Variants in CELF2 observed in about 807,000 individuals in gnomAD.
The protein encoded by CELF2 is CUG triplet repeat RNA-binding protein 2.
CELF2 carries 8 observed loss-of-function variants against 62.6 expected under a neutral mutation model. The ratio of observed to expected loss-of-function variants is 0.13; its 90% CI spans 0.07 to 0.23. The LOEUF is 0.23. CELF2 is among the 10% of genes least tolerant of loss of function. CELF2 has a pLI of 1.00. For synonymous variants in CELF2, 258 were observed against 250.0 expected, an observed-to-expected ratio of 1.03 and a Z score of -0.30; for missense variants, 333 against 671.0, an observed-to-expected ratio of 0.50 and a Z score of 5.56.
the CELF2 span, among the ~76,000 whole-genome samples, chr10:10,678,721 A>G: frequency 6.6e-6 from 1 of 152,244 alleles, no homozygotes; most frequent in Non-Finnish European, 1.5e-5. Context: ...AGCACACAGC[A>G]TTCCCAGAAC....
chr10:11,146,709 G>C (rs984349582), intron 1 of CELF2, among the ~76,000 whole-genome samples: 1 of 152,156 alleles, frequency 6.6e-6, no homozygotes, highest in African/African-American at 2.4e-5. Context: ...TAATCTAAGA[G>C]GACTTTTCAG....
At chr10:10,462,783 A>G in the CELF2 span, among the ~76,000 whole-genome samples, 1 of 152,014 alleles carries the variant, frequency 6.6e-6, no homozygotes, top group African/African-American at 2.4e-5. Flanking sequence ...AATGGTTAAT[A>G]ACAGCATTCC....
the CELF2 span, among the ~76,000 whole-genome samples, chr10:10,484,981 T>C: frequency 1.3e-5 from 2 of 152,184 alleles, no homozygotes; most frequent in Non-Finnish European, 2.9e-5. Context: ...TATGAGCAGC[T>C]TGTACTTTAT....
chr10:11,005,003 A>C, upstream of CELF2: 1 of 974,608 alleles, frequency 1.0e-6, no homozygotes, highest in Non-Finnish European at 1.2e-6. This position sits in a 1 kb window ranked among gnomAD's most constrained non-coding sequence, Gnocchi z 4.3. Context: ...AAAAAGGTAA[A>C]TGAGTTCCTT....
chr10:10,919,529 G>A (rs546763686), intron 1 of CELF2, among the ~76,000 whole-genome samples: 11 of 152,224 alleles, frequency 7.2e-5, no homozygotes, highest in African/African-American at 2.6e-4. Flanking sequence ...CATAAGCTTC[G>A]GGTGACAGAG....
chr10:11,043,001 G>A (rs978560454), intron 1 of CELF2, among the ~76,000 whole-genome samples: 7 of 152,314 alleles, frequency 4.6e-5, no homozygotes, highest in African/African-American at 1.7e-4. Flanking sequence ...GTTTTTGTGT[G>A]AAAACTTATT....
At chr10:10,617,335 G>T in the CELF2 span, among the ~76,000 whole-genome samples, 1 of 152,100 alleles carries the variant, frequency 6.6e-6, no homozygotes, top group Non-Finnish European at 1.5e-5. Context: ...ATACCACATT[G>T]TGAACCCCAT....
intron 1 of CELF2, among the ~76,000 whole-genome samples, chr10:10,832,175 G>A (rs1429876559): frequency 6.9e-6 from 1 of 144,690 alleles, no homozygotes; most frequent in Non-Finnish European, 1.5e-5. Context: ...GGCTGAGGCA[G>A]GAGAATCACT....
At chr10:10,963,481 C>A (rs1056603410) in intron 2 of CELF2, among the ~76,000 whole-genome samples, 1 of 152,150 alleles carries the variant, frequency 6.6e-6, no homozygotes, top group Non-Finnish European at 1.5e-5. Context: ...TAGAGCTTTC[C>A]GTGAAATTTG....
At position 11,268,222 on chromosome 10, in the gene CELF2, G is replaced by T. The variant is rs1184285560; in HGVS notation, c.618+1545G>T. ...AGATTAAAATGAAACTGCTGTTAGGGGCAAAAAAATAAAAAAGAAAACTCT... is the reference window on the plus strand; with the variant it reads ...AGATTAAAATGAAACTGCTGTTAGGTGCAAAAAAATAAAAAAGAAAACTCT... On this transcript the variant is annotated intron_variant, in intron 6 of 12. Transcript: ENST00000633077. The surrounding 1 kb of genome is among the most constrained non-coding windows in gnomAD (Gnocchi z 4.7). 6.6e-6 allele frequency among the ~76,000 whole-genome samples: 1 copy of T among 151,338 alleles called. No individual in the cohort carries two copies. The highest frequency in any genetic ancestry group is 1.9e-4 in the East Asian group (1 of 5,180).
rs2048643933 is a variant in CELF2 at position 10,954,223 on chromosome 10, ATTATTATTATTATT to A, written c.89+34225_89+34238del. Among the ~76,000 whole-genome samples the A allele has an allele frequency of 1.2e-4, 9 of 72,404 alleles. No individual in the cohort carries two copies. The South Asian group carries it at 6.5e-3, about 52-fold the overall frequency. The allele number at this position is 72,404 out of a possible 152,430, so 47.5% of individuals were successfully genotyped here. On this transcript the variant is annotated intron_variant, in intron 2 of 13. Transcript: ENST00000636488. ...ATTTGGCAATTTATTTATTATTATT[ATTATTATTATTATT>A]ATTATTATTATTATTATTATTATTT...
At chr10:10,746,674 T>A in the CELF2 span, among the ~76,000 whole-genome samples, 1 of 152,226 alleles carries the variant, frequency 6.6e-6, no homozygotes, top group African/African-American at 2.4e-5. Flanking sequence ...AACCTGTTAC[T>A]AGTCTCATAG....
At chr10:11,097,844 G>A (rs1271098791) in intron 1 of CELF2, among the ~76,000 whole-genome samples, 3 of 152,194 alleles carry the variant, frequency 2.0e-5, no homozygotes, top group Non-Finnish European at 4.4e-5. Context: ...CATCACCCCC[G>A]ATCAGGGACT....
At chr10:10,752,418 C>A in the CELF2 span, among the ~76,000 whole-genome samples, 1 of 152,110 alleles carries the variant, frequency 6.6e-6, no homozygotes, top group Non-Finnish European at 1.5e-5. Context: ...AGGCCGGGCA[C>A]AGTGGCTCAC....
chr10:10,669,847 T>C, the CELF2 span, among the ~76,000 whole-genome samples: 1,460 of 152,264 alleles, frequency 9.6e-3, 21 homozygotes, highest in African/African-American at 0.031. Flanking sequence ...ATTATTGCTT[T>C]TTGTGTTTGA....
intron 1 of CELF2, among the ~76,000 whole-genome samples, chr10:10,903,768 A>G (rs760011602): frequency 2.6e-5 from 4 of 152,202 alleles, no homozygotes; most frequent in Non-Finnish European, 4.4e-5. Context: ...ACTGGAGTAC[A>G]GCTGTGCTTG....
At chr10:10,696,534 G>A in the CELF2 span, among the ~76,000 whole-genome samples, 1 of 151,890 alleles carries the variant, frequency 6.6e-6, no homozygotes, top group Admixed American at 6.6e-5. Context: ...GCTCCACCCA[G>A]TTCGAGCTTC....
At chr10:11,139,858 C>T (rs116516916) in intron 1 of CELF2, among the ~76,000 whole-genome samples, 6,610 of 146,078 alleles carry the variant, frequency 0.045, 159 homozygotes, top group Middle Eastern at 0.049. Flanking sequence ...TTTTTTTATT[C>T]AGCAAACACC....
intron 4 of CELF2, among the ~76,000 whole-genome samples, chr10:11,256,282 A>G (rs981874437): frequency 2.0e-5 from 3 of 152,142 alleles, no homozygotes; most frequent in African/African-American, 7.2e-5. Context: ...TGGTAGAGGA[A>G]CCCACCTGTT....
Sources: allele counts gnomAD v4.1 joint callset (sites outside exome capture counted in the v4.1 genomes callset), GRCh38; gene constraint gnomAD v4.1.1; non-coding constraint Gnocchi (gnomAD v3.1); transcripts MANE v1.5; gene names NCBI Gene and HGNC (gene_info 2026-07-23, HGNC 2026-07-21).